The following B4GALT1 variants were observed in gnomAD, a reference collection of about 807,000 sequenced individuals.
B4GALT1 encodes beta-1,4-galactosyltransferase 1, also known as N-acetyllactosamine synthase.
In B4GALT1, 16 loss-of-function variants were observed where a neutral mutation model predicts 34.9. That is an observed-to-expected ratio of 0.46 (90% confidence interval 0.31 to 0.70). The LOEUF is 0.70. Ranked by LOEUF, B4GALT1 falls within the 30% of genes least tolerant of loss-of-function variation. The pLI, the probability that B4GALT1 is intolerant of heterozygous loss-of-function variation, is 0.05. For synonymous variants in B4GALT1, 221 were observed against 218.1 expected (o/e 1.01, Z -0.12); for missense variants, 445 against 530.5 (o/e 0.84, Z 1.58).
upstream of B4GALT1, among the ~76,000 whole-genome samples, chr9:33,170,032 T>C (rs1254486650): frequency 6.9e-6 from 1 of 144,802 alleles, no homozygotes; most frequent in Non-Finnish European, 1.5e-5. Flanking sequence ...TGCAGTGGCG[T>C]GATCTTGGCT....
At chr9:33,155,090 G>A (rs1396652295) in intron 1 of B4GALT1, among the ~76,000 whole-genome samples, 2 of 152,206 alleles carry the variant, frequency 1.3e-5, no homozygotes, top group Non-Finnish European at 2.9e-5. Flanking sequence ...TAGCGATGCT[G>A]AGCAGGAGTA....
At chr9:33,132,069 A>G (rs889708451) in intron 2 of B4GALT1, among the ~76,000 whole-genome samples, 2 of 152,138 alleles carry the variant, frequency 1.3e-5, no homozygotes, top group African/African-American at 4.8e-5. Context: ...CTAAGGTGGA[A>G]AGTTAACCCT....
chr9:33,135,127 C>T (rs1442596175), intron 2 of B4GALT1, 62 bp downstream of exon 2: 1 of 1,499,030 alleles, frequency 6.7e-7, no homozygotes, highest in African/African-American at 1.4e-5. Context: ...TCATTACACA[C>T]ACATCTGATA....
In B4GALT1 at chr9:33,113,466, C is replaced by G. The variant is rs1355720816; in HGVS notation, c.1185G>C (p.Gly395=). 6.2e-7 allele frequency: 1 copy of G among 1,614,180 alleles called. No individual in the cohort carries two copies. The highest frequency in any genetic ancestry group is 1.7e-5 in the Admixed American group (1 of 60,026). ...GTGTACCAAAACGCTAGCTCGGTGT[C>G]CCGATGTCCACTGTGATTTGGGTAT... ...PLYTQITVDI[G]TPS is the part of the protein sequence containing the mutation. Residue 395 remains glycine (G), a synonymous_variant, in exon 6 of 6, where the codon GGG becomes GGC. Transcript: ENST00000379731.
chr9:33,152,856 G>A (rs1020064857), intron 1 of B4GALT1, among the ~76,000 whole-genome samples: 2 of 152,006 alleles, frequency 1.3e-5, no homozygotes, highest in Non-Finnish European at 2.9e-5. Context: ...TCTGGGGGAT[G>A]GAGTGAGACT....
intron 2 of B4GALT1, among the ~76,000 whole-genome samples, chr9:33,126,367 T>G (rs963865963): frequency 3.3e-5 from 5 of 152,226 alleles, no homozygotes; most frequent in Non-Finnish European, 7.3e-5. Context: ...ATTATACAAA[T>G]GCTGAGTTTG....
intron 1 of B4GALT1, among the ~76,000 whole-genome samples, chr9:33,140,756 C>T (rs1564046805): frequency 6.6e-6 from 1 of 152,184 alleles, no homozygotes; most frequent in Non-Finnish European, 1.5e-5. Context: ...TGGGCCGCTT[C>T]TCTCTGTACC....
At chr9:33,145,203 C>T (rs994672686) in intron 1 of B4GALT1, among the ~76,000 whole-genome samples, 3 of 152,118 alleles carry the variant, frequency 2.0e-5, no homozygotes, top group African/African-American at 7.2e-5. Flanking sequence ...CCCCCCAACC[C>T]CTCCAGCACC....
At chr9:33,130,960 C>T (rs143717162) in intron 2 of B4GALT1, among the ~76,000 whole-genome samples, 24 of 152,062 alleles carry the variant, frequency 1.6e-4, no homozygotes, top group African/African-American at 5.1e-4. Context: ...CTCCTAGTAA[C>T]GGCTGGTATT....
chr9:33,159,340 G>A (rs1312700381), intron 1 of B4GALT1, among the ~76,000 whole-genome samples: 2 of 152,152 alleles, frequency 1.3e-5, no homozygotes, highest in Non-Finnish European at 2.9e-5. Flanking sequence ...CTAGGCCCCC[G>A]TGGTGGGGCA....
downstream of B4GALT1, among the ~76,000 whole-genome samples, chr9:33,109,995 C>G (rs1035423896): frequency 6.6e-6 from 1 of 152,236 alleles, no homozygotes; most frequent in African/African-American, 2.4e-5. Context: ...GATCTGAACC[C>G]CAGGCCACCT....
intron 1 of B4GALT1, among the ~76,000 whole-genome samples, chr9:33,164,606 G>A (rs755114324): frequency 2.1e-4 from 32 of 152,282 alleles, no homozygotes; most frequent in Non-Finnish European, 4.0e-4. Context: ...AGAAACACCA[G>A]TAACTGGTGA....
chr9:33,177,473 A>C, the B4GALT1 span: 2 of 152,168 alleles, frequency 1.3e-5, no homozygotes, highest in African/African-American at 4.8e-5. Context: ...TGTTTTGGTA[A>C]GTGAAAATGT....
At chr9:33,172,805 C>T in the B4GALT1 span, among the ~76,000 whole-genome samples, 2 of 152,006 alleles carry the variant, frequency 1.3e-5, no homozygotes, top group African/African-American at 4.8e-5. Context: ...GACAAATTAC[C>T]TCATTCCTTT....
Position 33,113,357 on chromosome 9 carries a change from A to G in B4GALT1, c.*97T>C. The G allele has an allele frequency of 6.4e-7, 1 of 1,569,222 alleles. No individual in the cohort carries two copies. Among genetic ancestry groups the G allele is most frequent in the Non-Finnish European group, 8.8e-7 (1 of 1,140,868 alleles). ...TGAGCGAAGGGGACCTGTCACTCAG[A>G]CTGGTAAAAATGAGAGGGACCAGCC... On this transcript the variant is annotated 3_prime_UTR_variant, in exon 6 of 6. Coordinates refer to ENST00000379731, the MANE Select transcript of B4GALT1 (RefSeq NM_001497.4).
At chr9:33,183,792 A>G in the B4GALT1 span, among the ~76,000 whole-genome samples, 11 of 152,006 alleles carry the variant, frequency 7.2e-5, no homozygotes, top group Admixed American at 6.5e-4. Context: ...TAATAAAAGA[A>G]AAAAGAAAAT....
exon 3 of B4GALT1, chr9:33,104,663 GCACGTCT>G (rs1839780528): frequency 2.3e-6 from 1 of 444,252 alleles, no homozygotes; most frequent in South Asian, 1.6e-5. Flanking sequence ...CACACAGCCA[GCACGTCT>G]CACGCTCAAA....
At chr9:33,156,830 T>C (rs1235078192) in intron 1 of B4GALT1, among the ~76,000 whole-genome samples, 1 of 152,046 alleles carries the variant, frequency 6.6e-6, no homozygotes, top group East Asian at 1.9e-4. Context: ...TTAAGTCAGG[T>C]TTTTAAAGCC....
chr9:33,162,607 G>A (rs1245984885), intron 1 of B4GALT1, among the ~76,000 whole-genome samples: 1 of 152,192 alleles, frequency 6.6e-6, no homozygotes, highest in Non-Finnish European at 1.5e-5. Flanking sequence ...CTGAACCTGT[G>A]CACTAGCCAA....
Sources: gnomAD v4.1 joint callset for allele counts (sites outside exome capture counted in the v4.1 genomes callset) on GRCh38, gnomAD v4.1.1 for gene constraint, MANE v1.5 for transcripts, NCBI Gene and HGNC (gene_info 2026-07-23, HGNC 2026-07-21) for gene names.